The following AGPAT2 variants were observed in gnomAD, a reference collection of about 807,000 sequenced individuals.
AGPAT2 encodes 1-acylglycerol-3-phosphate O-acyltransferase 2.
AGPAT2 carries 18 observed loss-of-function variants against 26.1 expected under a neutral mutation model. That is an observed-to-expected ratio of 0.69 (90% CI 0.48 to 1.02). AGPAT2 has a LOEUF of 1.02. AGPAT2 is among the 50% of genes least tolerant of loss of function. The probability of loss-of-function intolerance (pLI) is 0.00; values close to 1 mark genes in which losing one functional copy is unlikely to be tolerated. For synonymous variants in AGPAT2, 200 were observed against 174.2 expected, an observed-to-expected ratio of 1.15 and a Z score of -1.16; for missense variants, 415 against 394.9, an observed-to-expected ratio of 1.05 and a Z score of -0.43.
At chr9:136,679,043 C>T (rs1282609664) in intron 1 of AGPAT2, among the ~76,000 whole-genome samples, 1 of 152,230 alleles carries the variant, frequency 6.6e-6, no homozygotes, top group African/African-American at 2.4e-5. Context: ...CCTGAGCCAA[C>T]TCGCCCGGCC....
chr9:136,676,812 T>C, intron 3 of AGPAT2, 132 bp from the exon 4 acceptor site: 1 of 1,251,026 alleles, frequency 8.0e-7, no homozygotes, highest in South Asian at 1.2e-5. Flanking sequence ...GCATGGATGA[T>C]GTAGGGGTCT....
Position 136,673,312 on chromosome 9 carries a change from C to A in AGPAT2, c.*440G>T. The A allele has an allele frequency of 6.4e-6, 1 of 157,084 alleles. No individual in the cohort carries two copies. Among genetic ancestry groups the A allele is most frequent in the Admixed American group, 6.5e-5 (1 of 15,426 alleles). 9.7% of individuals were successfully genotyped at this position (157,084 alleles called of 1,614,324 possible). A position where few individuals can be genotyped will look rare whatever the true frequency, so the allele number is the denominator to read the frequency against. On this transcript the variant is annotated 3_prime_UTR_variant, in exon 6 of 6. Coordinates refer to ENST00000371696, the MANE Select transcript of AGPAT2 (RefSeq NM_006412.4). ...CCAGGCCCCTCCTCTCCCAGAGAGC[C>A]TGATGCAGCTTGTGGGCTGGACCCT...
Position 136,677,103 on chromosome 9 carries a change from T to G in AGPAT2, c.350A>C (p.Gln117Pro), listed in dbSNP as rs933473488. The G allele has an allele frequency of 6.2e-7, 1 of 1,613,036 alleles. No homozygotes were observed. Among genetic ancestry groups the G allele is most frequent in the African/African-American group, 1.3e-5 (1 of 74,914 alleles). ...GAAGAGCAGCTCCCGCTTGGCGATC[T>G]GCACGCAGCGCTCCGGAAGGACCTC... ...LMEVLPERCV[Q>P]IAKRELLFLG... The change falls in exon 3 of 6, where the codon CAG becomes CCG. Residue 117 changes from glutamine (Q) to proline (P), a missense_variant. Gln to Pro is a moderately conservative substitution (Grantham distance 76). Transcript: ENST00000371696.
chr9:136,685,990 C>T (rs1268370934), intron 1 of AGPAT2, among the ~76,000 whole-genome samples: 2 of 152,218 alleles, frequency 1.3e-5, no homozygotes, highest in African/African-American at 2.4e-5. Context: ...CCCGGGACCC[C>T]GGCCTGGGCC....
chr9:136,686,113 C>G (rs77700856), intron 1 of AGPAT2, among the ~76,000 whole-genome samples: 1,916 of 152,318 alleles, frequency 0.013, 41 homozygotes, highest in African/African-American at 0.044. Context: ...ATTCCTGGAG[C>G]TTCTGGGGCT....
At chr9:136,681,145 G>A (rs1297197727) in intron 1 of AGPAT2, among the ~76,000 whole-genome samples, 7 of 147,436 alleles carry the variant, frequency 4.7e-5, no homozygotes, top group Non-Finnish European at 5.9e-5. Context: ...GGGTTGGATC[G>A]TGCACTGATA....
chr9:136,676,839 TGC>T (rs1240386767), intron 3 of AGPAT2, 120 bp downstream of exon 3: 1 of 1,325,624 alleles, frequency 7.5e-7, no homozygotes, highest in Non-Finnish European at 1.1e-6. Flanking sequence ...GGACCCCACC[TGC>T]GGAGCATGGA....
intron 3 of AGPAT2, 136 bp downstream of exon 3, chr9:136,676,825 C>T (rs1162047544): frequency 5.5e-6 from 7 of 1,273,950 alleles, no homozygotes; most frequent in Non-Finnish European, 6.7e-6. Flanking sequence ...AGGGGTCTGG[C>T]GTGGGACCCC....
rs1391769170 is a variant in AGPAT2, at chr9:136,673,383, GCTCGGACAGTGTGCGTCTGGC to G, written c.*348_*368del. 5.5e-6 allele frequency: 1 copy of G among 180,240 alleles called. No individual in the cohort carries two copies. Among genetic ancestry groups the G allele is most frequent in the Non-Finnish European group, 1.2e-5 (1 of 86,828 alleles). The allele number at this position is 180,240 out of a possible 1,614,324, so 11.2% of individuals were successfully genotyped here. A position where few individuals can be genotyped will look rare whatever the true frequency, so the allele number is the denominator to read the frequency against. On this transcript the variant is annotated 3_prime_UTR_variant, in exon 6 of 6. Coordinates refer to ENST00000371696, the MANE Select transcript of AGPAT2 (RefSeq NM_006412.4). ...TGGGTCCCAGGCGGCTGAGCAGAGG[GCTCGGACAGTGTGCGTCTGGC>G]CTCGGGGTCCTCCCATCTGCTCCTG...
At chr9:136,679,759 A>G (rs935759827) in intron 1 of AGPAT2, among the ~76,000 whole-genome samples, 2 of 152,224 alleles carry the variant, frequency 1.3e-5, no homozygotes, top group African/African-American at 4.8e-5. Flanking sequence ...AAAACGCCTG[A>G]TAACAGGAGG....
At position 136,687,259 on chromosome 9, in the gene AGPAT2, GTA is replaced by G. The variant is rs1379772727; in HGVS notation, c.97_98del (p.Tyr33LeufsTer114). 6.3e-6 allele frequency: 10 copies of G among 1,591,252 alleles called. No homozygotes were observed. Among genetic ancestry groups the G allele is most frequent in the Non-Finnish European group, 7.7e-6 (9 of 1,172,880 alleles). ...CGGACACCGTGAAGCACAGCGCGCA[GTA>G]CAGGGCGACCTTGGCGTAGAACTCG... Reference protein sequence around the residue: ...AAEFYAKVALYCALCFTVSAV... With the variant: ...AAEFYAKVALXCALCFTVSAV... On this transcript the variant is annotated frameshift_variant, in exon 1 of 6. Transcript: ENST00000371696. LOFTEE classifies it high-confidence loss of function.
intron 1 of AGPAT2, among the ~76,000 whole-genome samples, chr9:136,677,828 C>T (rs1395516936): frequency 6.6e-6 from 1 of 152,194 alleles, no homozygotes; most frequent in Non-Finnish European, 1.5e-5. Context: ...TGGGAAGGCG[C>T]CCACTTCCAA....
At chr9:136,675,131 G>A (rs1846073616) in intron 4 of AGPAT2, among the ~76,000 whole-genome samples, 1 of 152,142 alleles carries the variant, frequency 6.6e-6, no homozygotes. Context: ...TCCGGTTTAG[G>A]AGGAGATTAT....
intron 4 of AGPAT2, among the ~76,000 whole-genome samples, chr9:136,675,550 G>GGGA: frequency 6.7e-6 from 1 of 148,566 alleles, no homozygotes; most frequent in African/African-American, 2.5e-5. Context: ...GCTGGGGACT[G>GGGA]GCAGCAGGGA....
chr9:136,678,409 T>G (rs559735278), intron 1 of AGPAT2, among the ~76,000 whole-genome samples: 1 of 152,222 alleles, frequency 6.6e-6, no homozygotes, highest in Non-Finnish European at 1.5e-5. Flanking sequence ...ACCTCTGCCC[T>G]GCTGTGCTGC....
chr9:136,685,104 G>C (rs564176157), intron 1 of AGPAT2, among the ~76,000 whole-genome samples: 5 of 152,302 alleles, frequency 3.3e-5, no homozygotes, highest in African/African-American at 1.2e-4. Context: ...TGGAGCCCCA[G>C]GCCTCTCCTC....
At position 136,677,467 on chromosome 9, in the gene AGPAT2, G is replaced by C. The variant is rs1176662324; in HGVS notation, c.272C>G (p.Pro91Arg). The C allele has an allele frequency of 3.1e-6, 5 of 1,613,018 alleles. No homozygotes were observed. Among genetic ancestry groups the C allele is most frequent in the Non-Finnish European group, 4.2e-6 (5 of 1,179,968 alleles). The change falls in exon 2 of 6, where the codon CCC becomes CGC. Residue 91 changes from proline (P) to arginine (R), a missense_variant. Transcript: ENST00000371696. ...RDPRRLQEARPCVIVSNHQSI... is the reference protein window; with the variant it reads ...RDPRRLQEARRCVIVSNHQSI... ...CTGGTGGTTGGAGACGATGACACAG[G>C]GACGGGCCTCCTGCAGCCTGCGCGG...
rs753822306 is a variant in AGPAT2 at position 136,677,059 on chromosome 9, T to G, written c.394A>C (p.Ile132Leu). The G allele has an allele frequency of 1.9e-6, 3 of 1,613,028 alleles. No homozygotes were observed. Among genetic ancestry groups the G allele is most frequent in the Admixed American group, 1.7e-5 (1 of 60,004 alleles). ...ELLFLGPVGL[I>L]MYLGGVFFIN... ...AAGAAGACGCCCCCGAGGTACATGA[T>G]GAGGCCCACGGGCCCCAGGAAGAGC... The change falls in exon 3 of 6, where the codon ATC becomes CTC. Residue 132 changes from isoleucine (I) to leucine (L), a missense_variant. Transcript: ENST00000371696.
chr9:136,679,071 G>A (rs1846129664), intron 1 of AGPAT2, among the ~76,000 whole-genome samples: 1 of 152,204 alleles, frequency 6.6e-6, no homozygotes, highest in Non-Finnish European at 1.5e-5. Flanking sequence ...AAAAATTGTG[G>A]TAAAATACAC....
Sources: allele counts gnomAD v4.1 joint callset (sites outside exome capture counted in the v4.1 genomes callset), GRCh38; gene constraint gnomAD v4.1.1; transcripts MANE v1.5; gene names NCBI Gene and HGNC (gene_info 2026-07-23, HGNC 2026-07-21).